Variants in EIF3J observed in about 807,000 individuals in gnomAD.
EIF3J encodes eukaryotic translation initiation factor 3, subunit 1 (alpha, 35kD).
A neutral mutation model predicts 39.0 loss-of-function variants in EIF3J; 15 were observed. The ratio of observed to expected loss-of-function variants is 0.38; its 90% CI spans 0.26 to 0.59. The LOEUF is 0.59. EIF3J is among the 20% of genes least tolerant of loss of function. EIF3J has a pLI of 0.60. For missense variants in EIF3J, 226 were observed against 308.6 expected, an observed-to-expected ratio of 0.73 and a Z score of 2.00; for synonymous variants, 98 against 112.9, an observed-to-expected ratio of 0.87 and a Z score of 0.84.
At chr15:44,546,231 T>G (rs553749579) in intron 2 of EIF3J, among the ~76,000 whole-genome samples, 37 of 152,336 alleles carry the variant, frequency 2.4e-4, no homozygotes, top group African/African-American at 8.7e-4. Flanking sequence ...AGTATCACAG[T>G]TACTCAAATA....
chr15:44,559,893 ATTACAGGTCG>A (rs992351889), intron 6 of EIF3J, among the ~76,000 whole-genome samples: 4 of 152,018 alleles, frequency 2.6e-5, no homozygotes, highest in African/African-American at 9.7e-5. Flanking sequence ...TGTGTTGGTG[ATTACAGGTCG>A]TCATTATAAA....
At chr15:44,544,076 C>G (rs1234646946) in intron 2 of EIF3J, among the ~76,000 whole-genome samples, 1 of 141,048 alleles carries the variant, frequency 7.1e-6, no homozygotes, top group East Asian at 2.2e-4. Flanking sequence ...CAGTTTTTTT[C>G]TTTTTTCTTT....
rs779992567 is a variant in EIF3J at position 44,551,485 on chromosome 15, G to A, written c.257G>A (p.Arg86Gln). The A allele has an allele frequency of 8.2e-6, 13 of 1,590,232 alleles. No homozygotes were observed. The Admixed American group carries it at 1.5e-4, about 18-fold the overall frequency. The change falls in exon 4 of 8, where the codon CGG (arginine) becomes CAG (glutamine). Residue 86 changes from arginine (R) to glutamine (Q), a missense_variant. By Grantham distance (43) the Arg-to-Gln change is conservative. Transcript: ENST00000261868. ...KIAEKIKEKE[R>Q]QQKKRQEEIK... ...GCAGAGAAGATAAAAGAGAAAGAACGGCAACAGAAGAAAAGGCAAGAAGAA... is the reference window on the plus strand; with the variant it reads ...GCAGAGAAGATAAAAGAGAAAGAACAGCAACAGAAGAAAAGGCAAGAAGAA...
chr15:44,547,244 A>C (rs1595801149), intron 2 of EIF3J, among the ~76,000 whole-genome samples: 1 of 152,212 alleles, frequency 6.6e-6, no homozygotes, highest in East Asian at 1.9e-4. Context: ...CCTGGGTTCA[A>C]GCAATTTTCC....
Position 44,551,415 on chromosome 15 carries a change from T to A in EIF3J, c.203-16T>A. On this transcript the variant is annotated splice_polypyrimidine_tract_variant and intron_variant, in intron 3 of 7. Coordinates refer to ENST00000261868, the MANE Select transcript of EIF3J (RefSeq NM_003758.4). ...AATACTCAGTATAACTGAATAAAAC[T>A]TTTTTTTACTTTTAGAGGTAAAAAT... 1 of 1,493,922 alleles carries A rather than the reference T, an allele frequency of 6.7e-7. No individual in the cohort carries two copies. Among genetic ancestry groups the A allele is most frequent in the Non-Finnish European group, 9.1e-7 (1 of 1,099,408 alleles). 92.5% of individuals were successfully genotyped at this position (1,493,922 alleles called of 1,614,324 possible). A position where few individuals can be genotyped will look rare whatever the true frequency, so the allele number is the denominator to read the frequency against.
At chr15:44,559,236 TA>T (rs34429624) in intron 6 of EIF3J, 8,252 of 123,764 alleles carry the variant, frequency 0.067, 350 homozygotes, top group African/African-American at 0.13. Context: ...TCATCTCTAT[TA>T]AAAAAAAAAA....
chr15:44,544,684 A>G (rs1278774902), intron 2 of EIF3J, among the ~76,000 whole-genome samples: 2 of 126,870 alleles, frequency 1.6e-5, no homozygotes, highest in Non-Finnish European at 3.3e-5. Flanking sequence ...AGCCTGGGCA[A>G]TAAGAGCAAA....
intron 2 of EIF3J, among the ~76,000 whole-genome samples, chr15:44,549,968 A>G (rs543613424): frequency 1.2e-4 from 18 of 151,712 alleles, no homozygotes; most frequent in African/African-American, 4.1e-4. Context: ...AAAAAAAAAA[A>G]GTCTGGTAAA....
chr15:44,542,840 A>G (rs1415701540), intron 2 of EIF3J, among the ~76,000 whole-genome samples: 2 of 152,230 alleles, frequency 1.3e-5, no homozygotes, highest in Admixed American at 1.3e-4. Context: ...TCTTTTGAAG[A>G]TAAATTGGAT....
intron 5 of EIF3J, among the ~76,000 whole-genome samples, chr15:44,555,895 G>C (rs561184811): frequency 6.6e-6 from 1 of 151,808 alleles, no homozygotes; most frequent in African/African-American, 2.4e-5. Flanking sequence ...GTCTGGCTCT[G>C]TCATCCAGGC....
chr15:44,545,697 A>G (rs2082047498), intron 2 of EIF3J, among the ~76,000 whole-genome samples: 1 of 152,224 alleles, frequency 6.6e-6, no homozygotes, highest in Non-Finnish European at 1.5e-5. Flanking sequence ...TTGTGGTGTT[A>G]ACATTCAAAA....
At chr15:44,549,449 A>T (rs541156759) in intron 2 of EIF3J, among the ~76,000 whole-genome samples, 119 of 152,078 alleles carry the variant, frequency 7.8e-4, no homozygotes, top group Middle Eastern at 3.4e-3. Flanking sequence ...TTTCTAATTG[A>T]CTTGAAATCC....
At position 44,562,080 on chromosome 15, in the gene EIF3J, A is replaced by AGGACTTAAATTTTGTGTTAC. The variant is rs2082204123; in HGVS notation, c.*932_*951dup. ...CTAATTTAATAAAATCACTGTTGTGAGGACTTAAATTTTGTGTTACCTCCC... is the reference window on the plus strand; with the variant it reads ...CTAATTTAATAAAATCACTGTTGTGAGGACTTAAATTTTGTGTTACGGACTTAAATTTTGTGTTACCTCCC... On this transcript the variant is annotated 3_prime_UTR_variant, in exon 8 of 8. Transcript: ENST00000261868. The AGGACTTAAATTTTGTGTTAC allele has an allele frequency of 6.6e-6, 1 of 152,640 alleles. No homozygotes were observed. Among genetic ancestry groups the AGGACTTAAATTTTGTGTTAC allele is most frequent in the Admixed American group, 6.5e-5 (1 of 15,272 alleles). The allele number at this position is 152,640 out of a possible 1,614,324, so 9.5% of individuals were successfully genotyped here. A position where few individuals can be genotyped will look rare whatever the true frequency, so the allele number is the denominator to read the frequency against.
intron 2 of EIF3J, among the ~76,000 whole-genome samples, chr15:44,549,717 A>G (rs544392907): frequency 2.8e-5 from 4 of 141,360 alleles, no homozygotes; most frequent in South Asian, 4.9e-4. Context: ...CAGTGAGCTG[A>G]GATCGTCCCT....
chr15:44,555,814 A>C (rs889067461), intron 5 of EIF3J, among the ~76,000 whole-genome samples: 1 of 152,200 alleles, frequency 6.6e-6, no homozygotes, highest in African/African-American at 2.4e-5. Flanking sequence ...TCTACTTGAC[A>C]TGGAGGATAC....
At chr15:44,537,494 C>A (rs1029549994) in intron 2 of EIF3J, 67 bp downstream of exon 2, 6 of 1,413,688 alleles carry the variant, frequency 4.2e-6, no homozygotes, top group Middle Eastern at 2.6e-4. Flanking sequence ...CGACTCTGGG[C>A]CCCGGGTCGC....
intron 4 of EIF3J, among the ~76,000 whole-genome samples, chr15:44,552,039 T>G (rs1235795328): frequency 6.6e-6 from 1 of 152,034 alleles, no homozygotes; most frequent in Admixed American, 6.6e-5. Context: ...GCCAGGATGG[T>G]CTCAATCTCC....
At position 44,562,730 on chromosome 15, in the gene EIF3J, G is replaced by A. The variant is rs1265469763; in HGVS notation, c.*1581G>A. The A allele has an allele frequency of 1.1e-5, 2 of 176,806 alleles. No homozygotes were observed. Among genetic ancestry groups the A allele is most frequent in the African/African-American group, 4.8e-5 (2 of 41,834 alleles). The allele number at this position is 176,806 out of a possible 1,614,324, so 11.0% of individuals were successfully genotyped here. Reference sequence around the variant, plus strand: ...AATCTATTTTATTACAGAAAGATCAGTTTCTAACAAATGAAAATGTATCAC... The same window carrying A: ...AATCTATTTTATTACAGAAAGATCAATTTCTAACAAATGAAAATGTATCAC... On this transcript the variant is annotated 3_prime_UTR_variant, in exon 8 of 8. Transcript: ENST00000261868.
intron 2 of EIF3J, among the ~76,000 whole-genome samples, chr15:44,538,634 G>T (rs1331096835): frequency 1.3e-5 from 2 of 152,188 alleles, no homozygotes; most frequent in African/African-American, 4.8e-5. Context: ...AGAATGTTGT[G>T]AGCTTTGCAC....
Sources: gnomAD v4.1 joint callset for allele counts (sites outside exome capture counted in the v4.1 genomes callset) on GRCh38, gnomAD v4.1.1 for gene constraint, MANE v1.5 for transcripts, NCBI Gene and HGNC (gene_info 2026-07-23, HGNC 2026-07-21) for gene names.